Variants in MUC17 observed in about 807,000 individuals in gnomAD.
The protein encoded by MUC17 is mucin-17.
MUC17 carries 190 observed loss-of-function variants against 170.3 expected under a neutral mutation model. The ratio of observed to expected loss-of-function variants is 1.12; its 90% CI spans 0.99 to 1.26. The LOEUF (loss-of-function observed/expected upper bound fraction) is 1.26, where lower values mean the gene tolerates loss of function less well. Ranked by LOEUF, MUC17 falls within the 50% of genes most tolerant of loss-of-function variation. The pLI, the probability that MUC17 is intolerant of heterozygous loss-of-function variation, is 0.00. For missense variants in MUC17, 6,415 were observed against 5,530.0 expected, an observed-to-expected ratio of 1.16 and a Z score of -5.08; for synonymous variants, 2,325 against 2,002.5, an observed-to-expected ratio of 1.16 and a Z score of -4.30.
At chr7:101,027,280 G>A (rs1444554386) in intron 1 of MUC17, among the ~76,000 whole-genome samples, 3 of 152,168 alleles carry the variant, frequency 2.0e-5, no homozygotes, top group East Asian at 1.9e-4. Context: ...TAGGGCCCAT[G>A]CCCAGCCCTA....
In MUC17 at chr7:101,035,231, C is replaced by G. The variant is rs781004413; in HGVS notation, c.3815C>G (p.Thr1272Ser). The part of the protein sequence containing the change: ...TAEGTSLPTS[T>S]TSEGSTLLTS... ...GAAGGTACCAGCTTGCCAACCTCAACTACTAGTGAAGGAAGTACTCTATTA... is the reference window on the plus strand; with the variant it reads ...GAAGGTACCAGCTTGCCAACCTCAAGTACTAGTGAAGGAAGTACTCTATTA... Residue 1272 changes from threonine to serine, a missense_variant, in exon 3 of 13, where the codon ACT (threonine) becomes AGT (serine). By Grantham distance (58) the Thr-to-Ser change is moderately conservative (BLOSUM62 1). Transcript: ENST00000306151. The G allele has an allele frequency of 9.3e-6, 15 of 1,609,294 alleles. No individual in the cohort carries two copies. In the African/African-American group the frequency reaches 1.9e-4, roughly 20 times the overall value.
In MUC17 at chr7:101,034,925, C is replaced by T. The variant is rs140475164; in HGVS notation, c.3509C>T (p.Thr1170Met). The T allele has an allele frequency of 6.1e-4, 992 of 1,613,266 alleles. 3 individuals are homozygous for T. The highest frequency in any genetic ancestry group is 6.8e-4 in the Non-Finnish European group (807 of 1,179,968). ...TPLASMPVSTTLVVSSEANTL... is the reference protein window; with the variant it reads ...TPLASMPVSTMLVVSSEANTL... ...TTAGCAAGTATGCCTGTCAGCACCA[C>T]GCTGGTGGTCAGTTCTGAGGCTAAC... The change falls in exon 3 of 13, where the codon ACG (threonine) becomes ATG (methionine). Residue 1170 changes from threonine (T) to methionine (M), a missense_variant. Transcript: ENST00000306151.
intron 1 of MUC17, among the ~76,000 whole-genome samples, chr7:101,022,205 C>G (rs73168385): frequency 0.14 from 19,577 of 140,318 alleles, 1,594 homozygotes; most frequent in African/African-American, 0.21. Context: ...CTCAGTCTAT[C>G]TCCCAGGCTG....
Position 101,050,583 on chromosome 7 carries a change from G to T in MUC17, c.12822G>T (p.Glu4274Asp). The T allele has an allele frequency of 6.2e-7, 1 of 1,614,152 alleles. No homozygotes were observed. The highest frequency in any genetic ancestry group is 8.5e-7 in the Non-Finnish European group (1 of 1,180,008). The change falls in exon 7 of 13, where the codon GAG (glutamate) becomes GAT (aspartate). Residue 4274 changes from glutamate (E) to aspartate (D), a missense_variant. Coordinates refer to ENST00000306151, the MANE Select transcript of MUC17 (RefSeq NM_001040105.2). ...VLDNATEVVKEKITKVTTQQI... is the reference protein window; with the variant it reads ...VLDNATEVVKDKITKVTTQQI... ...ACAATGCCACCGAAGTAGTGAAAGAGAAAATCACAAAAGTGACCACACAGC... is the reference window on the plus strand; with the variant it reads ...ACAATGCCACCGAAGTAGTGAAAGATAAAATCACAAAAGTGACCACACAGC...
chr7:101,040,349 C>G lies in MUC17; in HGVS notation c.8933C>G (p.Pro2978Arg), dbSNP rs748305309. 9.3e-6 allele frequency: 15 copies of G among 1,612,548 alleles called. No homozygotes were observed. The highest frequency in any genetic ancestry group is 1.3e-5 in the Non-Finnish European group (15 of 1,179,510). The change falls in exon 3 of 13, where the codon CCA (proline) becomes CGA (arginine). Residue 2978 changes from proline to arginine, a missense_variant. By Grantham distance (103) the Pro-to-Arg change is moderately radical. Coordinates refer to ENST00000306151, the MANE Select transcript of MUC17 (RefSeq NM_001040105.2). ...ACAACTGCTGAAGGTACCAGCATGC[C>G]AATCTCAACTCCTGGCGAAAGAAGA... ...SPTTAEGTSMPISTPGERRTP... is the reference protein window; with the variant it reads ...SPTTAEGTSMRISTPGERRTP...
chr7:101,048,356 G>A, intron 4 of MUC17: 1 of 288,364 alleles, frequency 3.5e-6, no homozygotes, highest in Non-Finnish European at 6.3e-6. Context: ...TACTTTGGGA[G>A]CCTGAGGCAG....
In MUC17 at chr7:101,042,815, G is replaced by A. The variant is rs1794755620; in HGVS notation, c.11399G>A (p.Gly3800Asp). 1 of 1,613,922 alleles carries A rather than the reference G, an allele frequency of 6.2e-7. No homozygotes were observed. The highest frequency in any genetic ancestry group is 1.1e-5 in the South Asian group (1 of 91,076). The change falls in exon 3 of 13, where the codon GGC becomes GAC. Residue 3800 changes from glycine to aspartate, a missense_variant. Gly to Asp is a moderately conservative substitution (Grantham distance 94). Transcript: ENST00000306151. The stretch of plus-strand genomic sequence containing the variant: ...AGTTCATCTCCTACAACTCTTGAAG[G>A]CACCACCACCATGCCTATGTCAACT... ...EGSSSPTTLE[G>D]TTTMPMSTTS...
rs758255853 is a variant in MUC17, at chr7:101,053,059, G to A, written c.13177G>A (p.Gly4393Ser). ...GGGCACCCAGAAGAGTCTGGTGTACGGCCTCGTGGGGGCAGGGGTCGTGCT... is the reference window on the plus strand; with the variant it reads ...GGGCACCCAGAAGAGTCTGGTGTACAGCCTCGTGGGGGCAGGGGTCGTGCT... Reference protein sequence around the residue: ...NQGTQKSLVYGLVGAGVVLML... With the variant: ...NQGTQKSLVYSLVGAGVVLML... The change falls in exon 10 of 13, where the codon GGC becomes AGC. Residue 4393 changes from glycine (G) to serine (S), a missense_variant. Coordinates refer to ENST00000306151, the MANE Select transcript of MUC17 (RefSeq NM_001040105.2). 5.0e-6 allele frequency: 8 copies of A among 1,614,002 alleles called. No homozygotes were observed. Among genetic ancestry groups the A allele is most frequent in the East Asian group, 2.2e-5 (1 of 44,892 alleles).
At chr7:101,047,859 G>C in intron 3 of MUC17, 125 bp from the exon 4 acceptor site, 2 of 1,178,864 alleles carry the variant, frequency 1.7e-6, no homozygotes, top group Non-Finnish European at 2.3e-6. Context: ...GACAGTGTCC[G>C]TGCAAACGCA....
rs760971538 is a variant in MUC17 at position 101,036,533 on chromosome 7, C to G, written c.5117C>G (p.Ala1706Gly). 1.9e-6 allele frequency: 3 copies of G among 1,609,578 alleles called. No homozygotes were observed. In the East Asian group the frequency reaches 6.7e-5, roughly 36 times the overall value. The change falls in exon 3 of 13, where the codon GCA (alanine) becomes GGA (glycine). Residue 1706 changes from alanine (A) to glycine (G), a missense_variant. Coordinates refer to ENST00000306151, the MANE Select transcript of MUC17 (RefSeq NM_001040105.2). ...TVRTTPVASS[A>G]ISTLSTTPVD... ...AGAACAACACCGGTGGCCAGCTCTGCAATCAGCACCCTTTCAACAACTCCC... is the reference window on the plus strand; with the variant it reads ...AGAACAACACCGGTGGCCAGCTCTGGAATCAGCACCCTTTCAACAACTCCC...
rs151192830 is a variant in MUC17, at chr7:101,033,402, T to C, written c.1986T>C (p.Thr662=). 1.3e-3 allele frequency: 2,117 copies of C among 1,613,346 alleles called. 1 individual carries two copies. Among genetic ancestry groups the C allele is most frequent in the Non-Finnish European group, 1.3e-3 (1,581 of 1,179,710 alleles). ...TPVDSNTPVT[T]STEATSSSTT... Reference sequence around the variant, plus strand: ...TTGACTCCAACACTCCTGTGACCACTTCAACTGAAGCCACTTCATCTTCTA... The same window carrying C: ...TTGACTCCAACACTCCTGTGACCACCTCAACTGAAGCCACTTCATCTTCTA... Residue 662 remains threonine (T), a synonymous_variant, in exon 3 of 13, where the codon ACT becomes ACC. Coordinates refer to ENST00000306151, the MANE Select transcript of MUC17 (RefSeq NM_001040105.2).
At chr7:101,050,721 G>A (rs1203383674) in intron 7 of MUC17, 86 bp downstream of exon 7, 3 of 1,512,664 alleles carry the variant, frequency 2.0e-6, no homozygotes, top group African/African-American at 1.4e-5. Flanking sequence ...GCGGGAGTGA[G>A]GATGGTTAAT....
In MUC17 at chr7:101,038,595, T is replaced by A. The variant is rs763010018; in HGVS notation, c.7179T>A (p.Ser2393Arg). The A allele has an allele frequency of 3.1e-6, 5 of 1,614,088 alleles. No individual in the cohort carries two copies. Among genetic ancestry groups the A allele is most frequent in the Non-Finnish European group, 4.2e-6 (5 of 1,180,006 alleles). ...DDTSMPTSTY[S>R]EGSTPLTSVP... The stretch of plus-strand genomic sequence containing the variant: ...CTAGCATGCCAACCTCAACTTATAG[T>A]GAAGGAAGCACTCCACTAACAAGTG... The change falls in exon 3 of 13, where the codon AGT becomes AGA. Residue 2393 changes from serine (S) to arginine (R), a missense_variant. Ser to Arg is a moderately radical substitution (Grantham distance 110). Coordinates refer to ENST00000306151, the MANE Select transcript of MUC17 (RefSeq NM_001040105.2).
At chr7:101,052,406 C>G (rs533114558) in intron 9 of MUC17, among the ~76,000 whole-genome samples, 3 of 152,256 alleles carry the variant, frequency 2.0e-5, no homozygotes, top group African/African-American at 7.2e-5. Flanking sequence ...TAAACAGAAC[C>G]AAAGAGAGAG....
At chr7:101,049,109 G>C (rs2116471754) in intron 5 of MUC17, 137 bp downstream of exon 5, 5 of 1,445,814 alleles carry the variant, frequency 3.5e-6, no homozygotes, top group Middle Eastern at 2.4e-4. Flanking sequence ...CTCAGGGCTT[G>C]CCAGTGCAGG....
chr7:101,038,558 C>A lies in MUC17; in HGVS notation c.7142C>A (p.Thr2381Asn), dbSNP rs1794570948. ...TCTCAAGCCGGTTCATCTCCTACAA[C>A]TGCTGACGATACTAGCATGCCAACC... ...TYSQAGSSPTTADDTSMPTST... is the reference protein window; with the variant it reads ...TYSQAGSSPTNADDTSMPTST... The change falls in exon 3 of 13, where the codon ACT becomes AAT. Residue 2381 changes from threonine to asparagine, a missense_variant. Thr to Asn is a moderately conservative substitution (Grantham distance 65). Coordinates refer to ENST00000306151, the MANE Select transcript of MUC17 (RefSeq NM_001040105.2). 2 of 1,614,012 alleles carry A rather than the reference C, an allele frequency of 1.2e-6. No individual in the cohort carries two copies. Among genetic ancestry groups the A allele is most frequent in the African/African-American group, 2.7e-5 (2 of 74,942 alleles).
rs762782740 is a variant in MUC17 at position 101,051,856 on chromosome 7, C to G, written c.12997C>G (p.Arg4333Gly). 1 of 1,614,138 alleles carries G rather than the reference C, an allele frequency of 6.2e-7. No homozygotes were observed. Among genetic ancestry groups the G allele is most frequent in the Non-Finnish European group, 8.5e-7 (1 of 1,180,004 alleles). Residue 4333 changes from arginine to glycine, a missense_variant, in exon 9 of 13, where the codon CGG (arginine) becomes GGG (glycine). Coordinates refer to ENST00000306151, the MANE Select transcript of MUC17 (RefSeq NM_001040105.2). ...TGGAGACTACTTCGTAGTGGAGTACCGGGACCAGAAGCCATACTGCATCAG... is the reference window on the plus strand; with the variant it reads ...TGGAGACTACTTCGTAGTGGAGTACGGGGACCAGAAGCCATACTGCATCAG... The part of the protein sequence containing the change: ...EYGDYFVVEY[R>G]DQKPYCISPC...
chr7:101,035,996 C>T lies in MUC17; in HGVS notation c.4580C>T (p.Ala1527Val), dbSNP rs878946491. The change falls in exon 3 of 13, where the codon GCC becomes GTC. Residue 1527 changes from alanine to valine, a missense_variant. Transcript: ENST00000306151. ...ATACCTGTCAGCACCACAACAGTGG[C>T]CAGTTCTGAAATCAACAGCCTTTCA... ...TSIPVSTTTV[A>V]SSEINSLSTT... 1 of 1,611,678 alleles carries T rather than the reference C, an allele frequency of 6.2e-7. No individual in the cohort carries two copies. The highest frequency in any genetic ancestry group is 8.5e-7 in the Non-Finnish European group (1 of 1,178,562).
intron 3 of MUC17, 44 bp downstream of exon 3, chr7:101,043,863 T>C (rs1227952782): frequency 6.5e-7 from 1 of 1,536,184 alleles, no homozygotes; most frequent in African/African-American, 1.4e-5. Context: ...AATTATACTG[T>C]AAGTTCTAGG....
Sources: allele counts gnomAD v4.1 joint callset (sites outside exome capture counted in the v4.1 genomes callset), GRCh38; gene constraint gnomAD v4.1.1; transcripts MANE v1.5; gene names NCBI Gene and HGNC (gene_info 2026-07-23, HGNC 2026-07-21).